Variants in RPS6KA2 observed in about 807,000 individuals in gnomAD.
The protein encoded by RPS6KA2 is ribosomal protein S6 kinase A2, also known as ribosomal protein S6 kinase alpha-2.
A neutral mutation model predicts 91.8 loss-of-function variants in RPS6KA2; 42 were observed. The ratio of observed to expected loss-of-function variants is 0.46; its 90% CI spans 0.36 to 0.59. The LOEUF (loss-of-function observed/expected upper bound fraction) is 0.59. RPS6KA2 is among the 20% of genes least tolerant of loss of function. The pLI, the probability that RPS6KA2 is intolerant of heterozygous loss-of-function variation, is 0.00. For synonymous variants in RPS6KA2, 414 were observed against 393.6 expected, an observed-to-expected ratio of 1.05 and a Z score of -0.61; for missense variants, 798 against 978.5, an observed-to-expected ratio of 0.82 and a Z score of 2.46.
chr6:166,433,858 G>A lies in RPS6KA2; in HGVS notation c.1333-1368C>T, dbSNP rs574954320. Reference sequence around the variant, plus strand: ...CAACATCAAACCCCTGGGCTCAAGTGATCCTCCTGCCTCAGCCTCCAGAAT... The same window carrying A: ...CAACATCAAACCCCTGGGCTCAAGTAATCCTCCTGCCTCAGCCTCCAGAAT... On this transcript the variant is annotated intron_variant, in intron 14 of 20. Coordinates refer to ENST00000265678, the MANE Select transcript of RPS6KA2 (RefSeq NM_021135.6). The surrounding 1 kb of genome is among the most constrained non-coding windows in gnomAD (Gnocchi z 4.4). 1.3e-5 allele frequency among the ~76,000 whole-genome samples: 2 copies of A among 152,280 alleles called. No homozygotes were observed. The highest frequency in any genetic ancestry group is 4.8e-5 in the African/African-American group (2 of 41,558).
At chr6:166,793,289 C>T (rs1779142740) in intron 2 of RPS6KA2, among the ~76,000 whole-genome samples, 1 of 145,140 alleles carries the variant, frequency 6.9e-6, no homozygotes, top group Non-Finnish European at 1.5e-5. Flanking sequence ...AGGAATCCAA[C>T]TTACAAGGGA....
chr6:166,775,382 G>C (rs1410305369), intron 2 of RPS6KA2, among the ~76,000 whole-genome samples: 1 of 151,934 alleles, frequency 6.6e-6, no homozygotes, highest in African/African-American at 2.4e-5. Flanking sequence ...TGGCAGCAGA[G>C]GACACAGCAA....
At chr6:166,431,191 G>A (rs909094652) in intron 15 of RPS6KA2, among the ~76,000 whole-genome samples, 1 of 152,252 alleles carries the variant, frequency 6.6e-6, no homozygotes. Flanking sequence ...GCCTCCCAAA[G>A]TGCTGGGATT....
intron 2 of RPS6KA2, among the ~76,000 whole-genome samples, chr6:166,633,438 T>C (rs1173219971): frequency 6.6e-6 from 1 of 152,242 alleles, no homozygotes; most frequent in Non-Finnish European, 1.5e-5. Context: ...TTGATAACAC[T>C]GTTGAGTTAC....
In RPS6KA2 at chr6:166,612,790, T is replaced by G. The variant is rs75919190; in HGVS notation, c.99+14131A>C. ...CCCAAGTGGCCACTGCCAAATTTAC[T>G]CCACATCAGCCTCTCTCTCTCCATG... On this transcript the variant is annotated intron_variant, in intron 1 of 20. Transcript: ENST00000265678. This position sits in a 1 kb window ranked among gnomAD's most constrained non-coding sequence, Gnocchi z 4.3. Among the ~76,000 whole-genome samples, 311 of 152,264 alleles carry G rather than the reference T, an allele frequency of 2.0e-3. No individual in the cohort carries two copies. The highest frequency in any genetic ancestry group is 7.2e-3 in the African/African-American group (300 of 41,534).
chr6:166,568,677 G>C (rs1024260161), intron 1 of RPS6KA2, among the ~76,000 whole-genome samples: 3 of 128,878 alleles, frequency 2.3e-5, no homozygotes, highest in African/African-American at 8.6e-5. Flanking sequence ...ATTTTTTACT[G>C]GCTACCATGT....
At chr6:166,575,326 G>A (rs1458007226) in intron 1 of RPS6KA2, among the ~76,000 whole-genome samples, 4 of 152,222 alleles carry the variant, frequency 2.6e-5, no homozygotes, top group African/African-American at 4.8e-5. Context: ...GCGCTCAGAA[G>A]TGTACGGAGA....
At chr6:166,477,444 T>A (rs1781020667) in intron 10 of RPS6KA2, among the ~76,000 whole-genome samples, 1 of 152,190 alleles carries the variant, frequency 6.6e-6, no homozygotes, top group African/African-American at 2.4e-5. Context: ...TAAAGAACTA[T>A]GATTTTAGTA....
chr6:166,446,324 T>C (rs1234518802), intron 14 of RPS6KA2, among the ~76,000 whole-genome samples: 1 of 152,216 alleles, frequency 6.6e-6, no homozygotes, highest in Admixed American at 6.5e-5. Flanking sequence ...GGGCCGTTCA[T>C]GGGGCTGCAC....
At chr6:166,558,856 A>G (rs141730492) in intron 1 of RPS6KA2, among the ~76,000 whole-genome samples, 17 of 152,328 alleles carry the variant, frequency 1.1e-4, no homozygotes, top group African/African-American at 3.8e-4. Context: ...CATCCTTGCT[A>G]TGAAGGTAAA....
rs549378017 is a variant in RPS6KA2, at chr6:166,436,328, A to C, written c.1333-3838T>G. On this transcript the variant is annotated intron_variant, in intron 14 of 20. Coordinates refer to ENST00000265678, the MANE Select transcript of RPS6KA2 (RefSeq NM_021135.6). ...GTTAAAGCCCCAGAAAAAAAAAAAA[A>C]AAAAAACCTCAGATGTCACACCAAC... Among the ~76,000 whole-genome samples the C allele has an allele frequency of 6.4e-4, 97 of 152,126 alleles. 1 individual carries two copies. Among genetic ancestry groups the C allele is most frequent in the Admixed American group, 2.5e-3 (38 of 15,286 alleles).
At chr6:166,771,458 C>T (rs1289555636) in intron 2 of RPS6KA2, among the ~76,000 whole-genome samples, 2 of 152,318 alleles carry the variant, frequency 1.3e-5, no homozygotes, top group South Asian at 4.1e-4. Flanking sequence ...TCCCAAGCCT[C>T]TTTTTGGCCA....
intron 2 of RPS6KA2, among the ~76,000 whole-genome samples, chr6:166,744,305 C>T (rs774965571): frequency 9.6e-4 from 146 of 152,360 alleles, no homozygotes; most frequent in African/African-American, 3.3e-3. Context: ...GCAAAGGCAC[C>T]GGCCTCGGCC....
chr6:166,504,453 A>G (rs1017458105), intron 6 of RPS6KA2, 53 bp downstream of exon 6: 3 of 1,076,140 alleles, frequency 2.8e-6, no homozygotes, highest in South Asian at 1.4e-5. Flanking sequence ...GGCCAGGAAA[A>G]TACATGGAGC....
chr6:166,615,928 AC>A (rs1240427305), intron 1 of RPS6KA2, among the ~76,000 whole-genome samples: 1 of 152,164 alleles, frequency 6.6e-6, no homozygotes, highest in Non-Finnish European at 1.5e-5. Context: ...CTCCCTGCAT[AC>A]ACAGGCCTCA....
intron 2 of RPS6KA2, among the ~76,000 whole-genome samples, chr6:166,707,993 C>T (rs745493613): frequency 6.6e-6 from 1 of 152,206 alleles, no homozygotes; most frequent in Admixed American, 6.5e-5. Context: ...TTCCACCTGC[C>T]TCAGCCTCCC....
At chr6:166,647,897 C>A (rs1400392720) in intron 2 of RPS6KA2, among the ~76,000 whole-genome samples, 1 of 149,938 alleles carries the variant, frequency 6.7e-6, no homozygotes, top group Non-Finnish European at 1.5e-5. Context: ...TACATACACA[C>A]ATGCTCACAC....
intron 2 of RPS6KA2, among the ~76,000 whole-genome samples, chr6:166,714,651 G>A (rs1187448650): frequency 3.3e-5 from 5 of 152,192 alleles, no homozygotes; most frequent in Non-Finnish European, 7.3e-5. Flanking sequence ...CACAAGCCAA[G>A]GAGCACCCGA....
At chr6:166,501,259 T>G (rs1015444811) in intron 6 of RPS6KA2, among the ~76,000 whole-genome samples, 1 of 152,288 alleles carries the variant, frequency 6.6e-6, no homozygotes, top group Admixed American at 6.5e-5. Context: ...AAAGCATAGG[T>G]GGAGAGCGTC....
Sources: allele counts gnomAD v4.1 joint callset (sites outside exome capture counted in the v4.1 genomes callset), GRCh38; gene constraint gnomAD v4.1.1; non-coding constraint Gnocchi (gnomAD v3.1); transcripts MANE v1.5; gene names NCBI Gene and HGNC (gene_info 2026-07-23, HGNC 2026-07-21).